DACH1: variants seen among roughly 807,000 people sequenced by gnomAD.
The protein encoded by DACH1 is dachshund homolog 1.
DACH1 carries 12 observed loss-of-function variants against 54.2 expected under a neutral mutation model. That is an observed-to-expected ratio of 0.22 (90% CI 0.14 to 0.36). The LOEUF is 0.36. Ranked by LOEUF, DACH1 falls within the 10% of genes least tolerant of loss-of-function variation. DACH1 has a pLI of 1.00. For synonymous variants in DACH1, 386 were observed against 366.2 expected (o/e 1.05, Z -0.62); for missense variants, 805 against 929.8 (o/e 0.87, Z 1.75).
rs551550815 is a variant in DACH1 at position 71,501,920 on chromosome 13, G to A, written c.1571-12772C>T. Among the ~76,000 whole-genome samples the A allele has an allele frequency of 5.7e-4, 86 of 152,146 alleles. No individual in the cohort carries two copies. In the South Asian group the frequency reaches 0.017, roughly 30 times the overall value. On this transcript the variant is annotated intron_variant, in intron 6 of 10. Coordinates refer to ENST00000613252, the MANE Select transcript of DACH1 (RefSeq NM_080759.6). ...CTTATTTTACACATTAATATGTAGA[G>A]GTAAAAGAAGTTAATTAACTTGCCA... is the stretch of plus-strand genomic sequence containing the variant.
chr13:71,650,339 A>C lies in DACH1; in HGVS notation c.965-19622T>G, dbSNP rs575639923. 2.6e-5 allele frequency among the ~76,000 whole-genome samples: 4 copies of C among 152,304 alleles called. No individual in the cohort carries two copies. The South Asian group carries it at 8.3e-4, about 32-fold the overall frequency. On this transcript the variant is annotated intron_variant, in intron 2 of 10. Coordinates refer to ENST00000613252, the MANE Select transcript of DACH1 (RefSeq NM_080759.6). ...TCAAGTAATCCAGTACATAAGCAGTACTTGGTATATTACAGCAGCAAGAAG... is the reference window on the plus strand; with the variant it reads ...TCAAGTAATCCAGTACATAAGCAGTCCTTGGTATATTACAGCAGCAAGAAG...
rs201851254 is a variant in DACH1, at chr13:71,447,286, T to TATAG, written c.2084-6598_2084-6595dup. Among the ~76,000 whole-genome samples the TATAG allele has an allele frequency of 6.8e-3, 1,032 of 152,258 alleles. 10 individuals are homozygous for TATAG. The highest frequency in any genetic ancestry group is 0.023 in the African/African-American group (973 of 41,516). On this transcript the variant is annotated intron_variant, in intron 10 of 10. Coordinates refer to ENST00000613252, the MANE Select transcript of DACH1 (RefSeq NM_080759.6). The stretch of plus-strand genomic sequence containing the variant: ...ACCATCAAATCAGACCCAGTAAGTA[T>TATAG]ATAGATTTTAGATATTTTATTCACT...
chr13:71,777,871 C>G (rs1051834431), intron 1 of DACH1, among the ~76,000 whole-genome samples: 1 of 151,932 alleles, frequency 6.6e-6, no homozygotes, highest in Non-Finnish European at 1.5e-5. Context: ...AATCCCAGCA[C>G]TTTGGGAGGC....
intron 3 of DACH1, among the ~76,000 whole-genome samples, chr13:71,614,853 CAA>C (rs397978208): frequency 1.0e-4 from 5 of 48,892 alleles, no homozygotes; most frequent in Non-Finnish European, 2.1e-4. Flanking sequence ...AACTCTATCT[CAA>C]AAAAAAAAAA....
chr13:71,749,265 G>A (rs570895258), intron 1 of DACH1, among the ~76,000 whole-genome samples: 7 of 151,968 alleles, frequency 4.6e-5, no homozygotes, highest in African/African-American at 1.7e-4. Context: ...TTACAGACTT[G>A]AGCCACTTTG....
chr13:71,469,695 T>G (rs1033221369), intron 10 of DACH1, among the ~76,000 whole-genome samples: 7 of 152,200 alleles, frequency 4.6e-5, no homozygotes, highest in Admixed American at 3.3e-4. Flanking sequence ...AAAGTGTGCT[T>G]GGCATATCAT....
At chr13:71,443,473 C>G (rs1157434984) in intron 10 of DACH1, among the ~76,000 whole-genome samples, 1 of 151,778 alleles carries the variant, frequency 6.6e-6, no homozygotes, top group African/African-American at 2.4e-5. Flanking sequence ...AAAGAAATAC[C>G]CTTAGCTTTT....
At chr13:71,486,318 G>T (rs1878499129) in intron 7 of DACH1, among the ~76,000 whole-genome samples, 1 of 151,990 alleles carries the variant, frequency 6.6e-6, no homozygotes, top group African/African-American at 2.4e-5. Context: ...TTTTGGCATA[G>T]AAAGCACAGA....
At chr13:71,694,614 T>A (rs1240526824) in intron 1 of DACH1, among the ~76,000 whole-genome samples, 2 of 152,150 alleles carry the variant, frequency 1.3e-5, no homozygotes, top group African/African-American at 4.8e-5. Context: ...AACCACAGAG[T>A]TGGAGAAGTC....
intron 1 of DACH1, among the ~76,000 whole-genome samples, chr13:71,748,880 T>TTC (rs1368341518): frequency 6.0e-5 from 1 of 16,616 alleles, no homozygotes; most frequent in Non-Finnish European, 3.7e-4. Context: ...CTTTCTTTCT[T>TTC]TCTTTCTTTC....
chr13:71,657,773 T>C (rs1372328165), intron 2 of DACH1, among the ~76,000 whole-genome samples: 2 of 151,890 alleles, frequency 1.3e-5, no homozygotes, highest in East Asian at 3.9e-4. Context: ...GTAATTCTAT[T>C]TTTTTATTTT....
chr13:71,639,032 C>A (rs1877703501), intron 2 of DACH1, among the ~76,000 whole-genome samples: 1 of 152,120 alleles, frequency 6.6e-6, no homozygotes, highest in African/African-American at 2.4e-5. Context: ...GTAAGCTCCA[C>A]ATGAGTTTGA....
intron 3 of DACH1, among the ~76,000 whole-genome samples, chr13:71,599,046 A>C (rs551206180): frequency 6.6e-6 from 1 of 152,266 alleles, no homozygotes; most frequent in Non-Finnish European, 1.5e-5. Context: ...AGCTCTAAAC[A>C]TGTCATTTTT....
At chr13:71,670,497 TAAAG>T (rs1182216815) in intron 2 of DACH1, among the ~76,000 whole-genome samples, 1 of 152,098 alleles carries the variant, frequency 6.6e-6, no homozygotes, top group Non-Finnish European at 1.5e-5. Context: ...CACAAGTCTA[TAAAG>T]AGAGTTCAGT....
At chr13:71,579,348 C>T (rs1037729716) in intron 3 of DACH1, among the ~76,000 whole-genome samples, 3 of 152,056 alleles carry the variant, frequency 2.0e-5, no homozygotes, top group Non-Finnish European at 4.4e-5. Context: ...ACAAAGCACA[C>T]ACAAATTAAT....
chr13:71,792,763 T>A (rs1886886307), intron 1 of DACH1, among the ~76,000 whole-genome samples: 1 of 152,148 alleles, frequency 6.6e-6, no homozygotes, highest in Admixed American at 6.5e-5. Flanking sequence ...CTTTATTTTG[T>A]AGACACTAAG....
chr13:71,781,725 T>G (rs1349067801), intron 1 of DACH1, among the ~76,000 whole-genome samples: 1 of 152,120 alleles, frequency 6.6e-6, no homozygotes, highest in Non-Finnish European at 1.5e-5. Flanking sequence ...ATTATGATTT[T>G]TCTTTGGAAT....
chr13:71,637,285 G>A (rs1008511468), intron 2 of DACH1, among the ~76,000 whole-genome samples: 4 of 152,158 alleles, frequency 2.6e-5, no homozygotes, highest in Admixed American at 6.5e-5. Flanking sequence ...GTGAAATAAC[G>A]TGCAACAGCC....
rs568827760 is a variant in DACH1 at position 71,647,512 on chromosome 13, T to C, written c.965-16795A>G. ...AAAAGAATTAGCTGATTATGCTATA[T>C]GTTTCTTTTTAGTCCTTGAAGAAAT... On this transcript the variant is annotated intron_variant, in intron 2 of 10. Coordinates refer to ENST00000613252, the MANE Select transcript of DACH1 (RefSeq NM_080759.6). Among the ~76,000 whole-genome samples the C allele has an allele frequency of 3.3e-5, 5 of 152,330 alleles. No individual in the cohort carries two copies. In the South Asian group the frequency reaches 8.3e-4, roughly 25 times the overall value.
Sources: gnomAD v4.1 joint callset for allele counts (sites outside exome capture counted in the v4.1 genomes callset) on GRCh38, gnomAD v4.1.1 for gene constraint, MANE v1.5 for transcripts, NCBI Gene and HGNC (gene_info 2026-07-23, HGNC 2026-07-21) for gene names.